Variants in PTPRD observed in about 807,000 individuals in gnomAD.
PTPRD encodes the protein receptor-type tyrosine-protein phosphatase delta.
PTPRD carries 34 observed loss-of-function variants against 214.5 expected under a neutral mutation model. The observed-to-expected ratio is 0.16, with a 90% CI of 0.12 to 0.21. The LOEUF is 0.21. Ranked by LOEUF, PTPRD falls within the 10% of genes least tolerant of loss-of-function variation. PTPRD has a pLI of 1.00. For missense variants in PTPRD, 2,545 were observed against 2,398.7 expected (o/e 1.06, Z -1.27); for synonymous variants, 1,128 against 845.7 (o/e 1.33, Z -5.79).
chr9:10,100,421 C>T (rs1194625098), intron 3 of PTPRD, among the ~76,000 whole-genome samples: 1 of 151,572 alleles, frequency 6.6e-6, no homozygotes, highest in Non-Finnish European at 1.5e-5. Flanking sequence ...TTAGACTGAT[C>T]TCTATTATTT....
chr9:10,239,543 G>A (rs1238019801), intron 3 of PTPRD, among the ~76,000 whole-genome samples: 3 of 151,528 alleles, frequency 2.0e-5, no homozygotes, highest in East Asian at 1.9e-4. Context: ...GGTAGTGAAA[G>A]GGAATTTGCA....
intron 10 of PTPRD, among the ~76,000 whole-genome samples, chr9:9,166,132 G>T (rs2099903247): frequency 6.9e-6 from 1 of 144,076 alleles, no homozygotes; most frequent in Non-Finnish European, 1.5e-5. Context: ...TCAAGACTCT[G>T]GGTTTGATTT....
rs919611935 is a variant in PTPRD, at chr9:10,503,275, G to A, written c.-600+109123C>T. ...TTAATAATTAAGTGAATAAATTATG[G>A]TCACTTTGTCGTGATCATCAATATT... On this transcript the variant is annotated intron_variant, in intron 2 of 45. Transcript: ENST00000381196. 6.7e-5 allele frequency among the ~76,000 whole-genome samples: 10 copies of A among 148,972 alleles called. No individual in the cohort carries two copies. The East Asian group carries it at 1.2e-3, about 18-fold the overall frequency.
Position 10,278,767 on chromosome 9 carries a change from T to TTTTTG in PTPRD, c.-545+62191_-545+62195dup, listed in dbSNP as rs561969404. Among the ~76,000 whole-genome samples, 1,035 of 151,630 alleles carry TTTTTG rather than the reference T, an allele frequency of 6.8e-3. 17 individuals are homozygous for TTTTTG. Among genetic ancestry groups the TTTTTG allele is most frequent in the African/African-American group, 0.024 (980 of 41,306 alleles). On this transcript the variant is annotated intron_variant, in intron 3 of 45. Coordinates refer to ENST00000381196, the MANE Select transcript of PTPRD (RefSeq NM_002839.4). Reference sequence around the variant, plus strand: ...TCTTCATGTGTGGTAAAAGGTTTTTTTTTTGTTTTGTTTTGTTTTGTTTTT... The same window carrying TTTTTG: ...TCTTCATGTGTGGTAAAAGGTTTTTTTTTTGTTTTGTTTTGTTTTGTTTTGTTTTT...
intron 14 of PTPRD, among the ~76,000 whole-genome samples, chr9:8,532,162 C>G (rs2075855934): frequency 6.6e-6 from 1 of 152,010 alleles, no homozygotes; most frequent in South Asian, 2.1e-4. Flanking sequence ...TGAGAAACAT[C>G]ACAATGTAAC....
chr9:9,479,846 T>A (rs756450722), intron 8 of PTPRD, among the ~76,000 whole-genome samples: 1 of 152,140 alleles, frequency 6.6e-6, no homozygotes, highest in African/African-American at 2.4e-5. Flanking sequence ...GTAAGTATAA[T>A]GTCAATTTTC....
At chr9:9,962,690 ATTG>A (rs2094443971) in intron 4 of PTPRD, among the ~76,000 whole-genome samples, 1 of 152,068 alleles carries the variant, frequency 6.6e-6, no homozygotes, top group Admixed American at 6.6e-5. Flanking sequence ...GTATGGTCTA[ATTG>A]TTGTATGTAT....
At chr9:9,475,732 A>C (rs2094977670) in intron 8 of PTPRD, among the ~76,000 whole-genome samples, 1 of 152,306 alleles carries the variant, frequency 6.6e-6, no homozygotes, top group East Asian at 1.9e-4. Context: ...GACTATCTGC[A>C]TGTTTATTGA....
chr9:10,053,594 C>A (rs1003604227), intron 3 of PTPRD, among the ~76,000 whole-genome samples: 2 of 152,074 alleles, frequency 1.3e-5, no homozygotes, highest in African/African-American at 4.8e-5. Context: ...AAATGAACAG[C>A]AGTTGAACCC....
intron 8 of PTPRD, among the ~76,000 whole-genome samples, chr9:9,497,010 A>G (rs1051691630): frequency 5.9e-5 from 9 of 152,178 alleles, no homozygotes; most frequent in African/African-American, 1.9e-4. Flanking sequence ...GACAAATACT[A>G]TATGATTCCA....
intron 8 of PTPRD, among the ~76,000 whole-genome samples, chr9:9,552,679 G>C (rs541406473): frequency 1.1e-4 from 17 of 152,154 alleles, no homozygotes; most frequent in African/African-American, 4.1e-4. Context: ...TGCTCAAGAA[G>C]ACTAGATTCC....
At chr9:10,537,941 A>C (rs763115293) in intron 2 of PTPRD, among the ~76,000 whole-genome samples, 5 of 152,098 alleles carry the variant, frequency 3.3e-5, no homozygotes, top group Non-Finnish European at 5.9e-5. Context: ...TGAATTAGAA[A>C]TTCTGAGGAT....
At chr9:8,592,073 A>G (rs1039260556) in intron 14 of PTPRD, among the ~76,000 whole-genome samples, 3 of 152,210 alleles carry the variant, frequency 2.0e-5, no homozygotes, top group Admixed American at 2.0e-4. Flanking sequence ...GTATCAAAAT[A>G]TGGTGACTTT....
chr9:8,521,269 G>C lies in PTPRD; in HGVS notation c.961+8C>G, dbSNP rs748209230. 1 of 1,607,336 alleles carries C rather than the reference G, an allele frequency of 6.2e-7. No individual in the cohort carries two copies. The highest frequency in any genetic ancestry group is 1.1e-5 in the South Asian group (1 of 89,902). ...CCAGATCCTCAAAGCATAATCCATT[G>C]AGCATACCTTTGACAGTGATCTGTG... On this transcript the variant is annotated splice_region_variant and intron_variant, in intron 20 of 45. Coordinates refer to ENST00000381196, the MANE Select transcript of PTPRD (RefSeq NM_002839.4).
intron 5 of PTPRD, among the ~76,000 whole-genome samples, chr9:9,935,769 A>G (rs1432676761): frequency 6.7e-6 from 1 of 149,530 alleles, no homozygotes; most frequent in Non-Finnish European, 1.5e-5. Context: ...CGCATTGCCA[A>G]GTCAATCCTA....
intron 35 of PTPRD, among the ~76,000 whole-genome samples, chr9:8,426,551 G>A (rs868755429): frequency 2.6e-5 from 4 of 152,146 alleles, no homozygotes; most frequent in African/African-American, 9.7e-5. Context: ...CTCCACATGG[G>A]AGCAGGTGAA....
intron 3 of PTPRD, among the ~76,000 whole-genome samples, chr9:10,321,023 C>A (rs568358167): frequency 2.0e-5 from 3 of 152,130 alleles, no homozygotes; most frequent in Admixed American, 6.6e-5. Context: ...CTACGCCTAG[C>A]CCATTGATTC....
chr9:10,252,037 G>T (rs1341313751), intron 3 of PTPRD, among the ~76,000 whole-genome samples: 1 of 152,112 alleles, frequency 6.6e-6, no homozygotes, highest in Non-Finnish European at 1.5e-5. Context: ...ATGTTAATTA[G>T]CCTGATTTGC....
chr9:8,917,072 C>T lies in PTPRD; in HGVS notation c.-104+101625G>A, dbSNP rs530122496. 3.7e-4 allele frequency among the ~76,000 whole-genome samples: 52 copies of T among 139,398 alleles called. 1 individual carries two copies. In the South Asian group the frequency reaches 7.4e-3, roughly 20 times the overall value. The allele number at this position is 139,398 out of a possible 152,430, so 91.5% of individuals were successfully genotyped here. On this transcript the variant is annotated intron_variant, in intron 11 of 45. Coordinates refer to ENST00000381196, the MANE Select transcript of PTPRD (RefSeq NM_002839.4). ...TTTCTTTCTTTTTTTTTTTTTTTTA[C>T]AATCCCCATTGTATAGGCAATGAGA...
Sources: allele counts gnomAD v4.1 joint callset (sites outside exome capture counted in the v4.1 genomes callset), GRCh38; gene constraint gnomAD v4.1.1; transcripts MANE v1.5; gene names NCBI Gene and HGNC (gene_info 2026-07-23, HGNC 2026-07-21).